Variants in RAI14 observed in about 807,000 individuals in gnomAD.
RAI14 encodes ankycorbin.
Under a neutral mutation model 115.4 loss-of-function variants are expected in RAI14, and 45 were observed. The ratio of observed to expected loss-of-function variants is 0.39; its 90% CI spans 0.31 to 0.50. The LOEUF (loss-of-function observed/expected upper bound fraction) is 0.50, where lower values mean the gene tolerates loss of function less well. RAI14 is among the 20% of genes least tolerant of loss of function. RAI14 has a pLI of 0.85. For missense variants in RAI14, 939 were observed against 1,131.2 expected, an observed-to-expected ratio of 0.83 and a Z score of 2.44; for synonymous variants, 371 against 415.4, an observed-to-expected ratio of 0.89 and a Z score of 1.30.
At chr5:34,816,007 C>A (rs1756181182) in intron 12 of RAI14, among the ~76,000 whole-genome samples, 1 of 152,114 alleles carries the variant, frequency 6.6e-6, no homozygotes, top group Non-Finnish European at 1.5e-5. Context: ...TTCCTGAATG[C>A]AGAATATTGA....
intron 4 of RAI14, among the ~76,000 whole-genome samples, chr5:34,796,881 A>G (rs895234748): frequency 2.6e-5 from 4 of 152,026 alleles, no homozygotes; most frequent in African/African-American, 7.3e-5. Context: ...CCTACACTTT[A>G]CCCTCTGAGA....
chr5:34,734,647 G>C (rs1205512967), intron 2 of RAI14, among the ~76,000 whole-genome samples: 1 of 151,884 alleles, frequency 6.6e-6, no homozygotes, highest in Non-Finnish European at 1.5e-5. Context: ...AGCAGTATTT[G>C]TGCATATCTC....
intron 2 of RAI14, among the ~76,000 whole-genome samples, chr5:34,752,194 G>T (rs1201721276): frequency 6.8e-6 from 1 of 146,698 alleles, no homozygotes; most frequent in East Asian, 2.0e-4. Context: ...TTTTAAAAAA[G>T]TTAAGGGAGT....
At chr5:34,773,944 C>T (rs930640442) in intron 3 of RAI14, among the ~76,000 whole-genome samples, 3 of 152,078 alleles carry the variant, frequency 2.0e-5, no homozygotes, top group Non-Finnish European at 4.4e-5. Context: ...AGCAATCAGA[C>T]AAGAGAAAGA....
intron 2 of RAI14, among the ~76,000 whole-genome samples, chr5:34,718,603 C>T (rs1050257694): frequency 2.6e-5 from 4 of 152,220 alleles, no homozygotes; most frequent in Non-Finnish European, 5.9e-5. Flanking sequence ...CCCCCGTTCT[C>T]AGTTCAGGGC....
At chr5:34,680,375 C>T (rs1013320594) in intron 1 of RAI14, among the ~76,000 whole-genome samples, 20 of 152,114 alleles carry the variant, frequency 1.3e-4, no homozygotes, top group Non-Finnish European at 7.4e-5. Flanking sequence ...AATGTGGATG[C>T]GAAAGAGACC....
chr5:34,754,620 A>G (rs11748601), intron 2 of RAI14, among the ~76,000 whole-genome samples: 31,682 of 151,802 alleles, frequency 0.21, 3,585 homozygotes, highest in African/African-American at 0.26. Flanking sequence ...TTATTTATTG[A>G]AGATTTGCTT....
chr5:34,764,526 A>C (rs1316532988), intron 3 of RAI14, among the ~76,000 whole-genome samples: 3 of 146,144 alleles, frequency 2.1e-5, no homozygotes, highest in African/African-American at 7.9e-5. Context: ...CCCAGGAAGC[A>C]CAGGTGAATT....
Position 34,817,818 on chromosome 5 carries a change from C to T in RAI14, c.940-979C>T, listed in dbSNP as rs545147405. Among the ~76,000 whole-genome samples, 195 of 152,174 alleles carry T rather than the reference C, an allele frequency of 1.3e-3. 1 individual carries two copies. Among genetic ancestry groups the T allele is most frequent in the Non-Finnish European group, 1.6e-3 (111 of 68,006 alleles). The stretch of plus-strand genomic sequence containing the variant: ...GAGTTGTGGTTGCCTAGGAATGATG[C>T]GGGCAAGGACTGGTTGTAATGAAGC... On this transcript the variant is annotated intron_variant, in intron 12 of 17. Coordinates refer to ENST00000265109, the MANE Select transcript of RAI14 (RefSeq NM_015577.3).
intron 1 of RAI14, among the ~76,000 whole-genome samples, chr5:34,678,598 G>T (rs115982752): frequency 1.3e-5 from 2 of 152,198 alleles, no homozygotes; most frequent in African/African-American, 4.8e-5. Context: ...TACAGGCCAC[G>T]AAGAAAGGCC....
At chr5:34,787,988 C>T (rs1208019258) in intron 3 of RAI14, among the ~76,000 whole-genome samples, 4 of 130,506 alleles carry the variant, frequency 3.1e-5, no homozygotes, top group East Asian at 5.0e-4. Flanking sequence ...GTGATCACAG[C>T]TCACTGTAGC....
rs145909601 is a variant in RAI14 at position 34,692,604 on chromosome 5, G to T, written c.36+5649G>T. Among the ~76,000 whole-genome samples, 1,027 of 150,120 alleles carry T rather than the reference G, an allele frequency of 6.8e-3. 15 individuals are homozygous for T. Among genetic ancestry groups the T allele is most frequent in the African/African-American group, 0.023 (920 of 40,396 alleles). On this transcript the variant is annotated intron_variant, in intron 2 of 17. Coordinates refer to ENST00000265109, the MANE Select transcript of RAI14 (RefSeq NM_015577.3). ...GGAACTATGGCCAAATCTATTTTAA[G>T]CTAAGCCTTTTTTTTTTTTAATAGA...
intron 5 of RAI14, among the ~76,000 whole-genome samples, 195 bp from the exon 6 acceptor site, chr5:34,807,605 A>C (rs1580327903): frequency 1.3e-5 from 2 of 152,122 alleles, no homozygotes; most frequent in East Asian, 3.9e-4. Context: ...CAAAGAGGGG[A>C]GAGTTTGCCC....
intron 2 of RAI14, among the ~76,000 whole-genome samples, chr5:34,713,772 C>G (rs1041068380): frequency 3.9e-5 from 6 of 152,072 alleles, no homozygotes; most frequent in Non-Finnish European, 8.8e-5. Flanking sequence ...GACAGTCCTA[C>G]TATCCTGGTC....
At chr5:34,782,206 T>C (rs1046421858) in intron 3 of RAI14, among the ~76,000 whole-genome samples, 7 of 152,198 alleles carry the variant, frequency 4.6e-5, no homozygotes, top group Admixed American at 4.6e-4. Context: ...GCAGAGATTT[T>C]GTTTATGGCT....
chr5:34,757,702 A>T, intron 3 of RAI14, 104 bp downstream of exon 3: 1 of 1,365,078 alleles, frequency 7.3e-7, no homozygotes, highest in Non-Finnish European at 9.7e-7. Flanking sequence ...CTCCCTCTCC[A>T]CTCCCATGTT....
At chr5:34,817,590 C>A (rs1756408271) in intron 12 of RAI14, among the ~76,000 whole-genome samples, 1 of 151,962 alleles carries the variant, frequency 6.6e-6, no homozygotes, top group Admixed American at 6.6e-5. Context: ...GGAAGCAAAC[C>A]AAATGTCCAT....
At chr5:34,807,748 G>A (rs1370492948) in intron 5 of RAI14, 52 bp from the exon 6 acceptor site, 1 of 1,357,534 alleles carries the variant, frequency 7.4e-7, no homozygotes, top group African/African-American at 1.4e-5. Context: ...GAACTGAATA[G>A]AATTGGGGCA....
intron 2 of RAI14, among the ~76,000 whole-genome samples, chr5:34,703,471 A>G (rs1740328812): frequency 6.6e-6 from 1 of 152,224 alleles, no homozygotes; most frequent in South Asian, 2.1e-4. Context: ...AAGAGACAAA[A>G]GCAAGTTCTA....
Sources: gnomAD v4.1 joint callset for allele counts (sites outside exome capture counted in the v4.1 genomes callset) on GRCh38, gnomAD v4.1.1 for gene constraint, MANE v1.5 for transcripts, NCBI Gene and HGNC (gene_info 2026-07-23, HGNC 2026-07-21) for gene names.